Variants in DACH1 observed in about 807,000 individuals in gnomAD.
The protein encoded by DACH1 is dachshund family transcription factor 1.
DACH1 carries 12 observed loss-of-function variants against 54.2 expected under a neutral mutation model. The ratio of observed to expected loss-of-function variants is 0.22; its 90% CI spans 0.14 to 0.36. DACH1 has a LOEUF of 0.36. DACH1 is among the 10% of genes least tolerant of loss of function. DACH1 has a pLI of 1.00. For synonymous variants in DACH1, 386 were observed against 366.2 expected, an observed-to-expected ratio of 1.05 and a Z score of -0.62; for missense variants, 805 against 929.8, an observed-to-expected ratio of 0.87 and a Z score of 1.75.
chr13:71,546,160 A>T (rs1280499638), intron 6 of DACH1, among the ~76,000 whole-genome samples: 3 of 152,072 alleles, frequency 2.0e-5, no homozygotes, highest in African/African-American at 4.8e-5. Context: ...TTGCAATAAA[A>T]TTTTTTTAAA....
chr13:71,621,061 T>C (rs1324388916), intron 3 of DACH1, among the ~76,000 whole-genome samples: 11 of 151,950 alleles, frequency 7.2e-5, no homozygotes, highest in Non-Finnish European at 1.6e-4. Flanking sequence ...CACACATATG[T>C]TATCTATGTG....
intron 6 of DACH1, among the ~76,000 whole-genome samples, chr13:71,495,929 C>G (rs527929694): frequency 1.3e-5 from 2 of 151,930 alleles, no homozygotes; most frequent in African/African-American, 4.8e-5. Context: ...CAGGGGATGA[C>G]TGGATTAAAA....
intron 1 of DACH1, among the ~76,000 whole-genome samples, chr13:71,861,438 A>G (rs1874344967): frequency 6.6e-6 from 1 of 152,040 alleles, no homozygotes; most frequent in Non-Finnish European, 1.5e-5. Flanking sequence ...GATTATCCAA[A>G]TAACTCAACA....
chr13:71,553,653 TATATATATATATATATGC>T (rs1180610941), intron 6 of DACH1, among the ~76,000 whole-genome samples: 1 of 121,300 alleles, frequency 8.2e-6, no homozygotes, highest in African/African-American at 5.0e-5. Flanking sequence ...ATATATATAG[TATATATATATATATATGC>T]ATATATATAT....
chr13:71,530,478 T>A (rs1391399756), intron 6 of DACH1, among the ~76,000 whole-genome samples: 5 of 152,196 alleles, frequency 3.3e-5, no homozygotes, highest in Admixed American at 6.5e-5. Flanking sequence ...ATTTGAACTT[T>A]TAAACGAGAT....
chr13:71,546,429 A>G lies in DACH1; in HGVS notation c.1570+10595T>C, dbSNP rs552308148. Among the ~76,000 whole-genome samples, 5 of 152,150 alleles carry G rather than the reference A, an allele frequency of 3.3e-5. 1 individual carries two copies. Among genetic ancestry groups the G allele is most frequent in the African/African-American group, 9.6e-5 (4 of 41,576 alleles). On this transcript the variant is annotated intron_variant, in intron 6 of 10. Coordinates refer to ENST00000613252, the MANE Select transcript of DACH1 (RefSeq NM_080759.6). ...AAATGGCTCCTCCTGAAATATACCA[A>G]TAAAATAATACTTAGTTATTACTAT...
At chr13:71,858,859 C>T (rs1043376770) in intron 1 of DACH1, among the ~76,000 whole-genome samples, 1 of 151,506 alleles carries the variant, frequency 6.6e-6, no homozygotes, top group African/African-American at 2.4e-5. Flanking sequence ...ATAGATACTT[C>T]AGTTAAGCAC....
intron 6 of DACH1, among the ~76,000 whole-genome samples, chr13:71,540,793 T>C (rs1466343829): frequency 6.6e-6 from 1 of 151,984 alleles, no homozygotes; most frequent in African/African-American, 2.4e-5. Context: ...GACAAAAATA[T>C]CACATTGAAC....
intron 3 of DACH1, among the ~76,000 whole-genome samples, chr13:71,625,351 AAG>A (rs1033815684): frequency 3.3e-5 from 5 of 151,984 alleles, no homozygotes; most frequent in African/African-American, 1.2e-4. Context: ...CAAGGTCTCC[AAG>A]AGTTTTTCCT....
At chr13:71,482,356 C>A (rs1359595833) in intron 7 of DACH1, among the ~76,000 whole-genome samples, 1 of 152,020 alleles carries the variant, frequency 6.6e-6, no homozygotes, top group African/African-American at 2.4e-5. Flanking sequence ...TCTTAATAAC[C>A]TAGCTAGATC....
Position 71,815,954 on chromosome 13 carries a change from G to T in DACH1, c.848+49968C>A, listed in dbSNP as rs566750163. Among the ~76,000 whole-genome samples the T allele has an allele frequency of 1.2e-3, 181 of 151,898 alleles. 2 individuals carry two copies. The East Asian group carries it at 0.029, about 25-fold the overall frequency. On this transcript the variant is annotated intron_variant, in intron 1 of 10. Coordinates refer to ENST00000613252, the MANE Select transcript of DACH1 (RefSeq NM_080759.6). ...CAAAAAATTAGCCGGGCGTGGTAGC[G>T]GGCGCCTGTAGTCCCAGCTACTCGG...
rs74920557 is a variant in DACH1 at position 71,611,543 on chromosome 13, T to G, written c.1126+19013A>C. Among the ~76,000 whole-genome samples, 192 of 152,310 alleles carry G rather than the reference T, an allele frequency of 1.3e-3. 2 individuals carry two copies. The East Asian group carries it at 0.03, about 24-fold the overall frequency. ...GGCAAACAGGTGGTTTCTTATACCT[T>G]CCGTATTTCATTTCCTCATGCACAG... On this transcript the variant is annotated intron_variant, in intron 3 of 10. Coordinates refer to ENST00000613252, the MANE Select transcript of DACH1 (RefSeq NM_080759.6).
chr13:71,558,270 T>C (rs558707990), intron 5 of DACH1, among the ~76,000 whole-genome samples: 3 of 151,994 alleles, frequency 2.0e-5, no homozygotes, highest in South Asian at 4.2e-4. Flanking sequence ...ATAAGAATGA[T>C]TTGCATTATA....
At chr13:71,782,935 A>G (rs1361482542) in intron 1 of DACH1, among the ~76,000 whole-genome samples, 3 of 152,166 alleles carry the variant, frequency 2.0e-5, no homozygotes, top group African/African-American at 7.2e-5. Flanking sequence ...TTTTTTAAAA[A>G]TTATTCCTCA....
chr13:71,441,673 T>C (rs1042694885), intron 10 of DACH1, among the ~76,000 whole-genome samples: 23 of 152,010 alleles, frequency 1.5e-4, no homozygotes, highest in African/African-American at 5.6e-4. Context: ...AAATGACCTA[T>C]AGTACATTCA....
chr13:71,664,530 C>A (rs1181887565), intron 2 of DACH1, among the ~76,000 whole-genome samples: 1 of 151,802 alleles, frequency 6.6e-6, no homozygotes, highest in Non-Finnish European at 1.5e-5. Flanking sequence ...AGATGCAATG[C>A]AAGGGGGGAA....
intron 2 of DACH1, among the ~76,000 whole-genome samples, chr13:71,655,790 T>A (rs1279461265): frequency 1.3e-5 from 2 of 152,330 alleles, no homozygotes; most frequent in African/African-American, 4.8e-5. Flanking sequence ...ATTTCACTTT[T>A]TCCCATCTTT....
chr13:71,510,295 T>A (rs375996545), intron 6 of DACH1, among the ~76,000 whole-genome samples: 24 of 152,020 alleles, frequency 1.6e-4, no homozygotes, highest in African/African-American at 5.3e-4. Flanking sequence ...ATACCATCTA[T>A]ATGCTGATGC....
intron 1 of DACH1, among the ~76,000 whole-genome samples, chr13:71,736,802 ACTTTCATAAT>A (rs1406932344): frequency 6.6e-6 from 1 of 152,212 alleles, no homozygotes; most frequent in Non-Finnish European, 1.5e-5. Context: ...TAGTTATGGA[ACTTTCATAAT>A]CTATAATGTA....
Sources: allele counts gnomAD v4.1 joint callset (sites outside exome capture counted in the v4.1 genomes callset), GRCh38; gene constraint gnomAD v4.1.1; transcripts MANE v1.5; gene names NCBI Gene and HGNC (gene_info 2026-07-23, HGNC 2026-07-21).